The following PPFIA2 variants were observed in gnomAD, a reference collection of about 807,000 sequenced individuals.
PPFIA2 encodes PPFI scaffold protein A2, also known as liprin-alpha-2.
A neutral mutation model predicts 175.5 loss-of-function variants in PPFIA2; 46 were observed. The observed-to-expected ratio is 0.26, with a 90% CI of 0.21 to 0.34. The LOEUF (loss-of-function observed/expected upper bound fraction) is 0.34. PPFIA2 is among the 10% of genes least tolerant of loss of function. The pLI is 1.00. For synonymous variants in PPFIA2, 568 were observed against 511.4 expected (o/e 1.11, Z -1.49); for missense variants, 1,179 against 1,506.1 (o/e 0.78, Z 3.60).
At chr12:81,696,394 C>T (rs141199503) in intron 3 of PPFIA2, among the ~76,000 whole-genome samples, 436 of 152,194 alleles carry the variant, frequency 2.9e-3, no homozygotes, top group African/African-American at 9.9e-3. Context: ...CTCTCATCAT[C>T]CAGTCATGAA....
intron 21 of PPFIA2, among the ~76,000 whole-genome samples, chr12:81,338,561 T>C (rs1291069560): frequency 1.3e-5 from 2 of 151,710 alleles, no homozygotes; most frequent in African/African-American, 2.4e-5. Flanking sequence ...TCCTCAACTA[T>C]ACACCATAGA....
chr12:81,476,619 A>T (rs561734358), intron 4 of PPFIA2, among the ~76,000 whole-genome samples: 1 of 152,318 alleles, frequency 6.6e-6, no homozygotes, highest in South Asian at 2.1e-4. Context: ...CTCTGTTAAG[A>T]AGTTTGGTCT....
At chr12:81,323,584 T>C (rs1373440188) in intron 22 of PPFIA2, among the ~76,000 whole-genome samples, 1 of 151,700 alleles carries the variant, frequency 6.6e-6, no homozygotes, top group African/African-American at 2.4e-5. Flanking sequence ...AGAAAGAAAA[T>C]TGGAATTGTT....
chr12:81,702,054 T>C (rs1216512511), intron 3 of PPFIA2, among the ~76,000 whole-genome samples: 1 of 152,152 alleles, frequency 6.6e-6, no homozygotes, highest in Non-Finnish European at 1.5e-5. Context: ...GGATGTAAGC[T>C]GGCATTTCTT....
intron 7 of PPFIA2, among the ~76,000 whole-genome samples, chr12:81,427,012 T>C (rs544010842): frequency 1.3e-5 from 2 of 152,178 alleles, no homozygotes; most frequent in Admixed American, 6.5e-5. Flanking sequence ...GTATTTGGCA[T>C]TTTTAAAGGT....
At chr12:81,451,548 T>C (rs1375311796) in intron 5 of PPFIA2, among the ~76,000 whole-genome samples, 1 of 152,222 alleles carries the variant, frequency 6.6e-6, no homozygotes, top group Non-Finnish European at 1.5e-5. Flanking sequence ...ATTTCTTATA[T>C]GCTTTAATTA....
chr12:81,515,030 G>T (rs2062239788), intron 4 of PPFIA2, among the ~76,000 whole-genome samples: 1 of 151,878 alleles, frequency 6.6e-6, no homozygotes, highest in Non-Finnish European at 1.5e-5. Context: ...AATTTAATGA[G>T]AGAGAAAGTA....
rs908080653 is a variant in PPFIA2, at chr12:81,742,785, C to T, written c.249+11188G>A. ...AGATGCCAGGAAGATGGCAAGTGAA[C>T]GATAATAAAGACTGAAAAGTGGCCA... On this transcript the variant is annotated intron_variant, in intron 3 of 32. Coordinates refer to ENST00000549396, the MANE Select transcript of PPFIA2 (RefSeq NM_003625.5). 3.3e-5 allele frequency among the ~76,000 whole-genome samples: 5 copies of T among 151,864 alleles called. No homozygotes were observed. The South Asian group carries it at 6.2e-4, about 19-fold the overall frequency.
chr12:81,347,893 CA>C (rs1655616622), intron 17 of PPFIA2, 123 bp from the exon 18 acceptor site: 1 of 1,348,490 alleles, frequency 7.4e-7, no homozygotes, highest in Non-Finnish European at 9.7e-7. Flanking sequence ...CATTTTACAT[CA>C]AATCTAATTT....
At chr12:81,290,665 T>C (rs1393392961) in intron 24 of PPFIA2, among the ~76,000 whole-genome samples, 4 of 151,858 alleles carry the variant, frequency 2.6e-5, no homozygotes, top group Admixed American at 1.3e-4. Flanking sequence ...AATTTGCACA[T>C]TTAGTAGTGA....
At chr12:81,639,940 C>T (rs910798209) in intron 4 of PPFIA2, among the ~76,000 whole-genome samples, 1 of 152,078 alleles carries the variant, frequency 6.6e-6, no homozygotes, top group Non-Finnish European at 1.5e-5. Context: ...CTTTTGAAGG[C>T]AGCAGAAGAT....
intron 12 of PPFIA2, 121 bp downstream of exon 12, chr12:81,368,990 C>T (rs1450285822): frequency 1.6e-6 from 2 of 1,287,464 alleles, no homozygotes; most frequent in Non-Finnish European, 2.1e-6. Context: ...TTATTCAAGT[C>T]AACAGGTCAT....
chr12:81,497,642 C>T lies in PPFIA2; in HGVS notation c.304-39776G>A, dbSNP rs569419521. Among the ~76,000 whole-genome samples, 13 of 148,184 alleles carry T rather than the reference C, an allele frequency of 8.8e-5. No individual in the cohort carries two copies. In the Middle Eastern group the frequency reaches 0.011, roughly 126 times the overall value. On this transcript the variant is annotated intron_variant, in intron 4 of 32. Transcript: ENST00000549396. ...GCCACTGCAGCCTCCCAGGTTCAAG[C>T]GATTCTCCTGTCTCAGCCTCCTGAG...
At chr12:81,653,183 T>C (rs1207733239) in intron 4 of PPFIA2, among the ~76,000 whole-genome samples, 1 of 152,140 alleles carries the variant, frequency 6.6e-6, no homozygotes, top group Admixed American at 6.6e-5. Context: ...TTTTAAAACA[T>C]AAATCTTGTC....
At chr12:81,534,763 T>C (rs1352521244) in intron 4 of PPFIA2, among the ~76,000 whole-genome samples, 1 of 151,572 alleles carries the variant, frequency 6.6e-6, no homozygotes, top group Non-Finnish European at 1.5e-5. Flanking sequence ...GATAAAGTAA[T>C]TGCCACACAA....
At chr12:81,334,537 T>G (rs1165741883) in intron 21 of PPFIA2, among the ~76,000 whole-genome samples, 4 of 151,642 alleles carry the variant, frequency 2.6e-5, no homozygotes, top group Non-Finnish European at 2.9e-5. Context: ...ATAAATGCCC[T>G]CTTGGTAATG....
At chr12:81,312,166 G>A in intron 22 of PPFIA2, 1 of 1,534,898 alleles carries the variant, frequency 6.5e-7, no homozygotes. Flanking sequence ...TTACCCAGAT[G>A]TGCTTTTCAT....
chr12:81,622,121 C>A (rs751657904), intron 4 of PPFIA2, among the ~76,000 whole-genome samples: 4 of 152,198 alleles, frequency 2.6e-5, no homozygotes, highest in Non-Finnish European at 4.4e-5. Context: ...GACTGAAGCA[C>A]ATTCCTCCAC....
intron 21 of PPFIA2, among the ~76,000 whole-genome samples, chr12:81,337,414 GA>G (rs1275055877): frequency 1.3e-5 from 2 of 152,082 alleles, no homozygotes; most frequent in African/African-American, 4.8e-5. Context: ...GGGTTGATGA[GA>G]ATATAATAGT....
Sources: allele counts gnomAD v4.1 joint callset (sites outside exome capture counted in the v4.1 genomes callset), GRCh38; gene constraint gnomAD v4.1.1; transcripts MANE v1.5; gene names NCBI Gene and HGNC (gene_info 2026-07-23, HGNC 2026-07-21).